The following CYP7B1 variants were observed in gnomAD, a reference collection of about 807,000 sequenced individuals.
The protein encoded by CYP7B1 is cytochrome P450 family 7 subfamily B member 1.
A neutral mutation model predicts 42.7 loss-of-function variants in CYP7B1; 29 were observed. The ratio of observed to expected loss-of-function variants is 0.68; its 90% CI spans 0.51 to 0.93. The LOEUF is 0.93. Among genes scored for constraint, CYP7B1 ranks in the 40% least tolerant of loss-of-function variants. The pLI, the probability that CYP7B1 is intolerant of heterozygous loss-of-function variation, is 0.00. For synonymous variants in CYP7B1, 235 were observed against 218.2 expected (o/e 1.08, Z -0.68); for missense variants, 655 against 600.5 (o/e 1.09, Z -0.95).
chr8:64,793,517 T>C (rs952046693), intron 1 of CYP7B1, among the ~76,000 whole-genome samples: 1 of 152,106 alleles, frequency 6.6e-6, no homozygotes, highest in African/African-American at 2.4e-5. Flanking sequence ...TGTACCTAAG[T>C]CTATTATGAT....
Position 64,594,574 on chromosome 8 carries a change from T to C in CYP7B1, c.*2068A>G, listed in dbSNP as rs1053484625. ...TTAGGGACAAAACAGAATAAGTAAA[T>C]AAAGCCAGAGGGACCTTATTAGAAC... On this transcript the variant is annotated 3_prime_UTR_variant, in exon 6 of 6. Coordinates refer to ENST00000310193, the MANE Select transcript of CYP7B1 (RefSeq NM_004820.5). 3.9e-5 allele frequency among the ~76,000 whole-genome samples: 6 copies of C among 151,968 alleles called. No homozygotes were observed. Among genetic ancestry groups the C allele is most frequent in the African/African-American group, 1.5e-4 (6 of 41,344 alleles).
At chr8:64,612,736 C>A (rs1805380276) in intron 4 of CYP7B1, among the ~76,000 whole-genome samples, 2 of 152,150 alleles carry the variant, frequency 1.3e-5, no homozygotes, top group South Asian at 4.2e-4. Flanking sequence ...AATCTTTTTT[C>A]CTCTTATAAT....
At chr8:64,604,616 G>C in intron 5 of CYP7B1, 66 bp downstream of exon 5, 1 of 1,587,116 alleles carries the variant, frequency 6.3e-7, no homozygotes, top group Non-Finnish European at 8.6e-7. Context: ...GGAAGAGATA[G>C]GGATGGAAGA....
rs1168191775 is a variant in CYP7B1, at chr8:64,785,895, GACTA to G, written c.122+12567_122+12570del. 5.9e-5 allele frequency among the ~76,000 whole-genome samples: 9 copies of G among 152,274 alleles called. No individual in the cohort carries two copies. The East Asian group carries it at 9.6e-4, about 16-fold the overall frequency. On this transcript the variant is annotated intron_variant, in intron 1 of 5. Transcript: ENST00000310193. ...TAGCTGGGGAGGCCTCAGGAAAACTGACTATCATGATGGAAAGGGAAACAAACAC... is the reference window on the plus strand; with the variant it reads ...TAGCTGGGGAGGCCTCAGGAAAACTGTCATGATGGAAAGGGAAACAAACAC...
intron 1 of CYP7B1, among the ~76,000 whole-genome samples, chr8:64,631,651 A>G (rs1380197637): frequency 1.3e-5 from 2 of 152,182 alleles, no homozygotes; most frequent in Non-Finnish European, 2.9e-5. Context: ...ATGGAAGAAA[A>G]TATTTGTGAA....
chr8:64,757,326 C>CT (rs1330905895), intron 1 of CYP7B1, among the ~76,000 whole-genome samples: 23 of 152,166 alleles, frequency 1.5e-4, no homozygotes, highest in African/African-American at 5.3e-4. Context: ...AACTTAGAGT[C>CT]TATCACAGAA....
chr8:64,765,417 T>G (rs1244033904), intron 1 of CYP7B1, among the ~76,000 whole-genome samples: 1 of 152,144 alleles, frequency 6.6e-6, no homozygotes, highest in Non-Finnish European at 1.5e-5. Flanking sequence ...TAAGAACTGT[T>G]GTTTATGGGA....
intron 1 of CYP7B1, among the ~76,000 whole-genome samples, chr8:64,713,366 T>C (rs1424489656): frequency 3.4e-5 from 3 of 87,992 alleles, no homozygotes; most frequent in African/African-American, 8.2e-5. Flanking sequence ...CAGGAAAACA[T>C]AGAGGAAAAA....
intron 1 of CYP7B1, among the ~76,000 whole-genome samples, chr8:64,763,423 G>A (rs1289903722): frequency 2.6e-5 from 4 of 152,310 alleles, no homozygotes; most frequent in East Asian, 1.9e-4. Context: ...GCCCGCCACC[G>A]TCTTGGGAAC....
intron 1 of CYP7B1, among the ~76,000 whole-genome samples, chr8:64,754,815 A>G (rs889045184): frequency 2.0e-5 from 3 of 152,156 alleles, no homozygotes; most frequent in Non-Finnish European, 2.9e-5. Context: ...TCTTTGAGGG[A>G]AAGTGTGAAG....
intron 4 of CYP7B1, among the ~76,000 whole-genome samples, chr8:64,610,277 T>G (rs2129630056): frequency 6.6e-6 from 1 of 152,310 alleles, no homozygotes; most frequent in Middle Eastern, 3.4e-3. Flanking sequence ...TGCTGTTTCC[T>G]TATATTAGAT....
intron 2 of CYP7B1, among the ~76,000 whole-genome samples, chr8:64,620,034 A>T (rs1805503528): frequency 2.0e-5 from 3 of 152,056 alleles, no homozygotes; most frequent in Admixed American, 6.6e-5. Context: ...ACCTTAAAAA[A>T]AATTAGCCAG....
chr8:64,777,577 G>A (rs538453822), intron 1 of CYP7B1, among the ~76,000 whole-genome samples: 22 of 152,136 alleles, frequency 1.4e-4, no homozygotes, highest in South Asian at 1.0e-3. Context: ...GAAACAGCCC[G>A]AATCACATTG....
intron 1 of CYP7B1, among the ~76,000 whole-genome samples, chr8:64,772,051 T>C (rs1325805739): frequency 6.6e-6 from 1 of 152,242 alleles, no homozygotes; most frequent in Non-Finnish European, 1.5e-5. Context: ...AAGATGACCT[T>C]GCTTCCTATT....
At chr8:64,692,536 C>A (rs1806763455) in intron 1 of CYP7B1, among the ~76,000 whole-genome samples, 2 of 152,140 alleles carry the variant, frequency 1.3e-5, no homozygotes, top group South Asian at 4.1e-4. Flanking sequence ...AGAACAGAAT[C>A]TAGATCACAG....
chr8:64,796,324 A>G (rs1035997754), intron 1 of CYP7B1, among the ~76,000 whole-genome samples: 1 of 152,242 alleles, frequency 6.6e-6, no homozygotes, highest in African/African-American at 2.4e-5. Flanking sequence ...AAAGAACCCA[A>G]TAGAAAAATA....
chr8:64,775,259 A>C, intron 1 of CYP7B1, among the ~76,000 whole-genome samples: 1 of 152,170 alleles, frequency 6.6e-6, no homozygotes, highest in East Asian at 1.9e-4. Context: ...TGTGATCCTT[A>C]TACAGTGAGT....
At chr8:64,701,216 G>A (rs1455241437) in intron 1 of CYP7B1, among the ~76,000 whole-genome samples, 4 of 151,924 alleles carry the variant, frequency 2.6e-5, no homozygotes, top group Non-Finnish European at 2.9e-5. Context: ...TGAAAACGTC[G>A]AGGCATGGTG....
At position 64,596,937 on chromosome 8, in the gene CYP7B1, G is replaced by A. The variant is rs944718272; in HGVS notation, c.1234-8C>T. Reference sequence around the variant, plus strand: ...ACGATCATATCTAAACTCCTGTAAGGAAGAATAGTGTTAAAATTAACATTT... The same window carrying A: ...ACGATCATATCTAAACTCCTGTAAGAAAGAATAGTGTTAAAATTAACATTT... On this transcript the variant is annotated splice_region_variant and splice_polypyrimidine_tract_variant and intron_variant, in intron 5 of 5. Coordinates refer to ENST00000310193, the MANE Select transcript of CYP7B1 (RefSeq NM_004820.5). The A allele has an allele frequency of 1.3e-6, 2 of 1,595,938 alleles. No individual in the cohort carries two copies. Among genetic ancestry groups the A allele is most frequent in the Non-Finnish European group, 1.7e-6 (2 of 1,167,992 alleles).
Sources: allele counts gnomAD v4.1 joint callset (sites outside exome capture counted in the v4.1 genomes callset), GRCh38; gene constraint gnomAD v4.1.1; transcripts MANE v1.5; gene names NCBI Gene and HGNC (gene_info 2026-07-23, HGNC 2026-07-21).